TAF1B: variants seen among roughly 807,000 people sequenced by gnomAD.
TAF1B encodes the protein TATA box-binding protein-associated factor RNA polymerase I subunit B.
In TAF1B, 61 loss-of-function variants were observed where a neutral mutation model predicts 83.9. That is an observed-to-expected ratio of 0.73 (90% CI 0.59 to 0.90). TAF1B has a LOEUF of 0.90. Ranked by LOEUF, TAF1B falls within the 40% of genes least tolerant of loss-of-function variation. The pLI is 0.00. For missense variants in TAF1B, 625 were observed against 677.0 expected, an observed-to-expected ratio of 0.92 and a Z score of 0.85; for synonymous variants, 221 against 224.6, an observed-to-expected ratio of 0.98 and a Z score of 0.14.
chr2:9,928,977 T>C (rs1355955756), intron 14 of TAF1B, among the ~76,000 whole-genome samples: 1 of 152,242 alleles, frequency 6.6e-6, no homozygotes, highest in African/African-American at 2.4e-5. Context: ...GCCCATTCAG[T>C]ATGATATTGG....
chr2:9,933,728 G>A (rs1377725278), intron 14 of TAF1B, 55 bp from the exon 15 acceptor site: 33 of 1,437,190 alleles, frequency 2.3e-5, no homozygotes, highest in Non-Finnish European at 3.0e-5. Context: ...GGGTTAGTGT[G>A]TGCATTTCTT....
intron 9 of TAF1B, among the ~76,000 whole-genome samples, chr2:9,908,028 C>CTTTTTTTTTTTTTTTTTTT (rs57261740): frequency 1.4e-5 from 1 of 71,754 alleles, no homozygotes; most frequent in African/African-American, 7.9e-5. Flanking sequence ...GATCTTAATT[C>CTTTTTTTTTTTTTTTTTTT]TTTTTTTTTT....
At position 9,849,458 on chromosome 2, in the gene TAF1B, C is replaced by T; in HGVS notation, c.203C>T (p.Thr68Ile). The change falls in exon 3 of 15, where the codon ACT becomes ATT. Residue 68 changes from threonine (T) to isoleucine (I), a missense_variant and splice_region_variant. Physicochemically the swap from Thr to Ile is moderately conservative, Grantham distance 89. Transcript: ENST00000263663. ...LNRGLKKKNNTEKGWDWYVCE... is the reference protein window; with the variant it reads ...LNRGLKKKNNIEKGWDWYVCE... ...CGGGGGCTTAAAAAAAAAAACAATA[C>T]TGGTAAGTTCTTTCTTCATATGTAC... 1 of 1,536,424 alleles carries T rather than the reference C, an allele frequency of 6.5e-7. No individual in the cohort carries two copies. Among genetic ancestry groups the T allele is most frequent in the Non-Finnish European group, 8.8e-7 (1 of 1,139,650 alleles).
intron 7 of TAF1B, among the ~76,000 whole-genome samples, chr2:9,877,022 C>T (rs1275547041): frequency 1.3e-5 from 2 of 152,130 alleles, no homozygotes; most frequent in Non-Finnish European, 2.9e-5. Flanking sequence ...TTGGCCACAT[C>T]AACCAAATAA....
chr2:9,909,182 G>A (rs897740949), intron 9 of TAF1B, among the ~76,000 whole-genome samples: 3 of 152,266 alleles, frequency 2.0e-5, no homozygotes, highest in East Asian at 1.9e-4. Context: ...TAATTAGTAC[G>A]AATTATGTGT....
intron 2 of TAF1B, chr2:9,846,112 A>G (rs1486244707): frequency 2.1e-6 from 1 of 471,020 alleles, no homozygotes; most frequent in Non-Finnish European, 4.4e-6. Flanking sequence ...CCTCATCACT[A>G]ACTGTGAGAG....
chr2:9,865,496 G>A (rs12614378), intron 5 of TAF1B, among the ~76,000 whole-genome samples: 36,548 of 151,692 alleles, frequency 0.24, 4,956 homozygotes, highest in East Asian at 0.3. Flanking sequence ...AATCAATATC[G>A]TGAAAATGGC....
intron 14 of TAF1B, among the ~76,000 whole-genome samples, chr2:9,926,821 A>AG (rs1553294636): frequency 1.5e-4 from 22 of 151,398 alleles, no homozygotes; most frequent in South Asian, 6.3e-4. Flanking sequence ...AAAAAAAAAA[A>AG]AGAGAGATTG....
chr2:9,895,057 A>G (rs1664976476), intron 8 of TAF1B, among the ~76,000 whole-genome samples: 1 of 152,200 alleles, frequency 6.6e-6, no homozygotes, highest in Admixed American at 6.5e-5. Flanking sequence ...GCAGTTCATA[A>G]TTTTGTATTT....
At chr2:9,889,785 CCT>C (rs1281995194) in intron 8 of TAF1B, among the ~76,000 whole-genome samples, 3 of 152,010 alleles carry the variant, frequency 2.0e-5, no homozygotes, top group Non-Finnish European at 2.9e-5. Context: ...ATTAATAGTC[CCT>C]TTTTTTCTGG....
At chr2:9,897,198 T>A (rs1665044342) in intron 8 of TAF1B, among the ~76,000 whole-genome samples, 1 of 152,224 alleles carries the variant, frequency 6.6e-6, no homozygotes, top group Non-Finnish European at 1.5e-5. Flanking sequence ...GATCACTGAT[T>A]GAACCAAAGT....
intron 3 of TAF1B, among the ~76,000 whole-genome samples, chr2:9,850,014 AATAT>A (rs56180231): frequency 2.6e-4 from 28 of 106,140 alleles, no homozygotes; most frequent in Non-Finnish European, 3.7e-4. Context: ...CACATTAAAA[AATAT>A]ATATATATAT....
rs1217601831 is a variant in TAF1B at position 9,844,789 on chromosome 2, AGT to A, written c.19-429_19-428del. Among the ~76,000 whole-genome samples the A allele has an allele frequency of 2.0e-5, 3 of 152,180 alleles. No individual in the cohort carries two copies. The East Asian group carries it at 5.8e-4, about 29-fold the overall frequency. On this transcript the variant is annotated intron_variant, in intron 1 of 14. Transcript: ENST00000263663. Reference sequence around the variant, plus strand: ...ATAGTTGATACCCCTTATGCTGCCGAGTGAATAAATCGAAACTTGAAACCATT... The same window carrying A: ...ATAGTTGATACCCCTTATGCTGCCGAGAATAAATCGAAACTTGAAACCATT...
chr2:9,845,500 G>A lies in TAF1B; in HGVS notation c.117+182G>A. ...GGTTAAGGGATTTGTGAATTAGATT[G>A]AGGATGAGTTTTTGAAATTATGTTG... On this transcript the variant is annotated intron_variant, in intron 2 of 14. Transcript: ENST00000263663. The A allele has an allele frequency of 6.1e-6, 3 of 494,884 alleles. No homozygotes were observed. In the South Asian group the frequency reaches 7.3e-5, roughly 12 times the overall value. The allele number at this position is 494,884 out of a possible 1,614,324, so 30.7% of individuals were successfully genotyped here.
chr2:9,848,965 C>T (rs1663295685), intron 2 of TAF1B, among the ~76,000 whole-genome samples: 2 of 152,146 alleles, frequency 1.3e-5, no homozygotes, highest in Admixed American at 6.5e-5. Context: ...GAAAAGTAGG[C>T]CAAAACTAAT....
chr2:9,869,333 T>C (rs1198413260), intron 6 of TAF1B, among the ~76,000 whole-genome samples: 3 of 151,988 alleles, frequency 2.0e-5, no homozygotes, highest in African/African-American at 7.2e-5. Flanking sequence ...CACGTGATTC[T>C]CCTACCTCAG....
At chr2:9,847,078 G>T (rs1391374566) in intron 2 of TAF1B, among the ~76,000 whole-genome samples, 2 of 152,150 alleles carry the variant, frequency 1.3e-5, no homozygotes, top group African/African-American at 4.8e-5. Flanking sequence ...TTCTATTTTT[G>T]ATTTTGATAC....
Position 9,852,772 on chromosome 2 carries a change from A to T in TAF1B, c.303+1134A>T, listed in dbSNP as rs531962130. ...CTCTCAAAGTGCTAGGATTATAGGCATGAGCCCCAGCACCTGGCCCTCATA... is the reference window on the plus strand; with the variant it reads ...CTCTCAAAGTGCTAGGATTATAGGCTTGAGCCCCAGCACCTGGCCCTCATA... On this transcript the variant is annotated intron_variant, in intron 4 of 14. Coordinates refer to ENST00000263663, the MANE Select transcript of TAF1B (RefSeq NM_005680.3). Among the ~76,000 whole-genome samples the T allele has an allele frequency of 3.1e-3, 477 of 152,330 alleles. 6 individuals are homozygous for T. The highest frequency in any genetic ancestry group is 0.011 in the African/African-American group (465 of 41,574).
At chr2:9,880,608 CTG>C (rs1415666049) in intron 7 of TAF1B, among the ~76,000 whole-genome samples, 1 of 152,086 alleles carries the variant, frequency 6.6e-6, no homozygotes, top group Non-Finnish European at 1.5e-5. Flanking sequence ...ACAGAACTGA[CTG>C]TGCCTCTGTT....
Sources: gnomAD v4.1 joint callset for allele counts (sites outside exome capture counted in the v4.1 genomes callset) on GRCh38, gnomAD v4.1.1 for gene constraint, MANE v1.5 for transcripts, NCBI Gene and HGNC (gene_info 2026-07-23, HGNC 2026-07-21) for gene names.